The following TMEM116 variants were observed in gnomAD, a reference collection of about 807,000 sequenced individuals.
The protein encoded by TMEM116 is transmembrane protein 116.
TMEM116 carries 38 observed loss-of-function variants against 44.3 expected under a neutral mutation model. The observed-to-expected ratio is 0.86, with a 90% confidence interval of 0.66 to 1.12. The LOEUF is 1.12. Ranked by LOEUF, TMEM116 falls within the 50% of genes most tolerant of loss-of-function variation. The pLI is 0.00. For synonymous variants in TMEM116, 132 were observed against 144.8 expected, an observed-to-expected ratio of 0.91 and a Z score of 0.64; for missense variants, 354 against 401.7, an observed-to-expected ratio of 0.88 and a Z score of 1.01.
intron 3 of TMEM116, among the ~76,000 whole-genome samples, chr12:112,003,090 T>C (rs373054779): frequency 1.3e-4 from 20 of 152,210 alleles, no homozygotes; most frequent in East Asian, 7.7e-4. Context: ...AAAATAAGTA[T>C]GTTTCATATA....
At chr12:111,977,563 G>T (rs1259425910) in intron 4 of TMEM116, among the ~76,000 whole-genome samples, 1 of 152,012 alleles carries the variant, frequency 6.6e-6, no homozygotes, top group Non-Finnish European at 1.5e-5. Flanking sequence ...AGTTAAAGAA[G>T]TTCTTCAGAA....
chr12:111,979,935 T>C (rs2075855845), intron 4 of TMEM116, among the ~76,000 whole-genome samples: 1 of 152,170 alleles, frequency 6.6e-6, no homozygotes, highest in Admixed American at 6.5e-5. Context: ...AACCAAGTGC[T>C]GTTGAGGATG....
At chr12:111,944,967 C>A (rs2073131702) in intron 4 of TMEM116, among the ~76,000 whole-genome samples, 1 of 151,428 alleles carries the variant, frequency 6.6e-6, no homozygotes, top group Non-Finnish European at 1.5e-5. Flanking sequence ...CCCAGCTACC[C>A]TGGAGCCTGA....
intron 4 of TMEM116, among the ~76,000 whole-genome samples, chr12:111,974,880 A>C (rs754859488): frequency 2.6e-5 from 4 of 152,104 alleles, no homozygotes; most frequent in Non-Finnish European, 4.4e-5. Context: ...TGGAATTTGA[A>C]ATTTAAAAAA....
intron 4 of TMEM116, among the ~76,000 whole-genome samples, chr12:111,981,021 C>G (rs2075908089): frequency 6.7e-6 from 1 of 149,828 alleles, no homozygotes. Flanking sequence ...CTGCAGTGAG[C>G]AGTCGTTGTG....
At chr12:111,994,638 G>A (rs2076828302) in intron 3 of TMEM116, among the ~76,000 whole-genome samples, 1 of 152,142 alleles carries the variant, frequency 6.6e-6, no homozygotes, top group Admixed American at 6.6e-5. Flanking sequence ...ACAGAGATAA[G>A]AATTTACAAC....
intron 4 of TMEM116, among the ~76,000 whole-genome samples, chr12:111,975,083 G>T (rs1274836963): frequency 6.6e-6 from 1 of 152,300 alleles, no homozygotes; most frequent in East Asian, 1.9e-4. Flanking sequence ...TCTCCAAATT[G>T]ATATACAGAT....
intron 9 of TMEM116, among the ~76,000 whole-genome samples, chr12:111,933,520 G>A (rs1389777716): frequency 2.2e-5 from 3 of 135,056 alleles, no homozygotes; most frequent in Non-Finnish European, 4.7e-5. Flanking sequence ...ATGGAGTCTC[G>A]CCCTGTCACC....
intron 3 of TMEM116, among the ~76,000 whole-genome samples, chr12:112,003,067 A>C (rs1489136833): frequency 6.6e-6 from 1 of 152,236 alleles, no homozygotes; most frequent in Non-Finnish European, 1.5e-5. Context: ...ATTGCCTAGA[A>C]GGCCAGAGAA....
intron 3 of TMEM116, among the ~76,000 whole-genome samples, chr12:111,994,950 T>G (rs1296426833): frequency 6.6e-6 from 1 of 152,160 alleles, no homozygotes; most frequent in East Asian, 1.9e-4. Context: ...AAGGGTTGCA[T>G]TGCATTCCCA....
chr12:111,946,573 C>T (rs1394752118), intron 4 of TMEM116, among the ~76,000 whole-genome samples: 1 of 152,276 alleles, frequency 6.6e-6, no homozygotes, highest in African/African-American at 2.4e-5. Context: ...GCCAGGTGTT[C>T]CTTGCCCTCA....
intron 4 of TMEM116, among the ~76,000 whole-genome samples, chr12:111,991,350 G>A (rs1321898297): frequency 2.0e-5 from 3 of 149,430 alleles, no homozygotes; most frequent in Non-Finnish European, 3.0e-5. Flanking sequence ...GTGAAACCCC[G>A]TCTCTACTAA....
In TMEM116 at chr12:111,937,972, C is replaced by T. The variant is rs369802803; in HGVS notation, c.365+189G>A. 89 of 388,672 alleles carry T rather than the reference C, an allele frequency of 2.3e-4. 2 individuals carry two copies. The East Asian group carries it at 3.7e-3, about 16-fold the overall frequency. The allele number at this position is 388,672 out of a possible 1,614,324, so 24.1% of individuals were successfully genotyped here. ...TTGGAGCTAAAACCCAAATCTATAA[C>T]ATCAAGCTACTTCCCTATTCAATGT... is the stretch of plus-strand genomic sequence containing the variant. On this transcript the variant is annotated intron_variant, in intron 6 of 10. Coordinates refer to ENST00000552374, the MANE Select transcript of TMEM116 (RefSeq NM_001193531.2).
At chr12:111,998,071 T>C (rs1361550495) in intron 3 of TMEM116, among the ~76,000 whole-genome samples, 1 of 152,226 alleles carries the variant, frequency 6.6e-6, no homozygotes, top group Non-Finnish European at 1.5e-5. Context: ...TTTCAGGGCA[T>C]ACACACAGAC....
intron 4 of TMEM116, among the ~76,000 whole-genome samples, chr12:111,979,044 AAAGTTCTAT>A (rs1319116946): frequency 6.6e-6 from 1 of 152,232 alleles, no homozygotes; most frequent in Non-Finnish European, 1.5e-5. Flanking sequence ...GTAAAACACA[AAAGTTCTAT>A]AAAATGTCTA....
In TMEM116 at chr12:111,946,346, TCA is replaced by T. The variant is rs141432109; in HGVS notation, c.211-2979_211-2978del. ...CTGAGAGCCCTGAACAGAGTTTGACTCACATATTTATTGACAGCAAGTCAGTA... is the reference window on the plus strand; with the variant it reads ...CTGAGAGCCCTGAACAGAGTTTGACTCATATTTATTGACAGCAAGTCAGTA... On this transcript the variant is annotated intron_variant, in intron 4 of 10. Coordinates refer to ENST00000552374, the MANE Select transcript of TMEM116 (RefSeq NM_001193531.2). 2.7e-3 allele frequency among the ~76,000 whole-genome samples: 415 copies of T among 152,302 alleles called. 2 individuals are homozygous for T. The highest frequency in any genetic ancestry group is 9.6e-3 in the African/African-American group (400 of 41,552).
intron 4 of TMEM116, among the ~76,000 whole-genome samples, chr12:111,978,168 G>A (rs1368189042): frequency 5.3e-5 from 8 of 151,142 alleles, no homozygotes; most frequent in Middle Eastern, 3.5e-3. Flanking sequence ...TTGGGAGGCC[G>A]AGGTGGGCAG....
intron 2 of TMEM116, 21 bp from the exon 3 acceptor site, chr12:112,003,884 T>A: frequency 6.7e-7 from 1 of 1,486,408 alleles, no homozygotes; most frequent in South Asian, 1.3e-5. Context: ...TAGAAGATGA[T>A]TGATCATTAA....
intron 4 of TMEM116, among the ~76,000 whole-genome samples, chr12:111,976,767 A>G (rs1229469502): frequency 6.6e-6 from 1 of 152,220 alleles, no homozygotes; most frequent in African/African-American, 2.4e-5. Flanking sequence ...GTAAAAATGG[A>G]AACTCTTAAA....
Sources: gnomAD v4.1 joint callset for allele counts (sites outside exome capture counted in the v4.1 genomes callset) on GRCh38, gnomAD v4.1.1 for gene constraint, MANE v1.5 for transcripts, NCBI Gene and HGNC (gene_info 2026-07-23, HGNC 2026-07-21) for gene names.